The following TFDP1 variants were observed in gnomAD, a reference collection of about 807,000 sequenced individuals.
TFDP1 encodes the protein transcription factor Dp-1.
A neutral mutation model predicts 48.0 loss-of-function variants in TFDP1; 6 were observed. The ratio of observed to expected loss-of-function variants is 0.13; its 90% CI spans 0.07 to 0.25. The LOEUF is 0.25. TFDP1 is among the 10% of genes least tolerant of loss of function. The probability of loss-of-function intolerance (pLI) is 1.00; values close to 1 mark genes in which losing one functional copy is unlikely to be tolerated. For synonymous variants in TFDP1, 201 were observed against 211.6 expected (o/e 0.95, Z 0.44); for missense variants, 335 against 543.0 (o/e 0.62, Z 3.81).
At position 113,607,860 on chromosome 13, in the gene TFDP1, G is replaced by A. The variant is rs908118660; in HGVS notation, c.13-3136G>A. Among the ~76,000 whole-genome samples, 6 of 152,228 alleles carry A rather than the reference G, an allele frequency of 3.9e-5. No homozygotes were observed. The highest frequency in any genetic ancestry group is 1.2e-4 in the African/African-American group (5 of 41,454). ...CCCAGCCGGAGCTGACCACCAAGTC[G>A]ACGGGGCAGAGTGAGAAACATCCAG... is the stretch of plus-strand genomic sequence containing the variant. On this transcript the variant is annotated intron_variant, in intron 2 of 11. Coordinates refer to ENST00000375370, the MANE Select transcript of TFDP1 (RefSeq NM_007111.5). The surrounding 1 kb of genome is among the most constrained non-coding windows in gnomAD (Gnocchi z 5.2).
chr13:113,602,877 A>AG (rs1028881402), intron 2 of TFDP1, among the ~76,000 whole-genome samples: 2 of 151,756 alleles, frequency 1.3e-5, no homozygotes, highest in Non-Finnish European at 2.9e-5. Context: ...AGTTGATGCC[A>AG]GGGGTGTCAA....
At chr13:113,639,047 T>G (rs1397026115) in intron 11 of TFDP1, among the ~76,000 whole-genome samples, 1 of 152,176 alleles carries the variant, frequency 6.6e-6, no homozygotes, top group Non-Finnish European at 1.5e-5. Context: ...AGCCTTGGCC[T>G]CCTCACCTGT....
intron 4 of TFDP1, among the ~76,000 whole-genome samples, chr13:113,630,432 T>G (rs1282708153): frequency 6.6e-6 from 1 of 152,124 alleles, no homozygotes; most frequent in Non-Finnish European, 1.5e-5. Flanking sequence ...AGTGTCCCCG[T>G]CAGCTGCTCC....
rs190730122 is a variant in TFDP1, at chr13:113,610,362, T to A, written c.13-634T>A. ...ATGCGTGTGCCCCCACCGTGTGCTGTACCATCACACGTGTGACCCCGCTGT... is the reference window on the plus strand; with the variant it reads ...ATGCGTGTGCCCCCACCGTGTGCTGAACCATCACACGTGTGACCCCGCTGT... On this transcript the variant is annotated intron_variant, in intron 2 of 11. Coordinates refer to ENST00000375370, the MANE Select transcript of TFDP1 (RefSeq NM_007111.5). Among the ~76,000 whole-genome samples, 41 of 152,236 alleles carry A rather than the reference T, an allele frequency of 2.7e-4. No individual in the cohort carries two copies. In the East Asian group the frequency reaches 7.7e-3, roughly 29 times the overall value.
rs80183622 is a variant in TFDP1 at position 113,614,652 on chromosome 13, C to T, written c.79+3590C>T. On this transcript the variant is annotated intron_variant, in intron 3 of 11. Coordinates refer to ENST00000375370, the MANE Select transcript of TFDP1 (RefSeq NM_007111.5). ...TCCTGGTCCTCCCAGCTCCACTCCA[C>T]GTCACAGCCTCCCGGGGCCACTGTG... is the stretch of plus-strand genomic sequence containing the variant. Among the ~76,000 whole-genome samples, 1,040 of 152,326 alleles carry T rather than the reference C, an allele frequency of 6.8e-3. 34 individuals carry two copies. The East Asian group carries it at 0.11, about 16-fold the overall frequency.
intron 2 of TFDP1, among the ~76,000 whole-genome samples, chr13:113,602,260 T>G (rs113073184): frequency 9.0e-3 from 617 of 68,708 alleles, no homozygotes; most frequent in African/African-American, 0.01. Context: ...AGGAGTGGAC[T>G]GAGTTACCTG....
chr13:113,599,454 A>AGGCT (rs1301085375), intron 2 of TFDP1, among the ~76,000 whole-genome samples: 5 of 152,224 alleles, frequency 3.3e-5, no homozygotes, highest in South Asian at 2.1e-4. Context: ...CGCCCCCTCC[A>AGGCT]GGCTGCTGGA....
chr13:113,599,445 G>GC (rs918320694), intron 2 of TFDP1, among the ~76,000 whole-genome samples: 1 of 152,124 alleles, frequency 6.6e-6, no homozygotes. Context: ...TTGGAGCCTC[G>GC]CCCCCTCCAG....
intron 2 of TFDP1, among the ~76,000 whole-genome samples, chr13:113,589,344 G>A (rs574524198): frequency 6.6e-6 from 1 of 152,282 alleles, no homozygotes; most frequent in African/African-American, 2.4e-5. Flanking sequence ...CCCAGCAGGA[G>A]CGCTGGCATA....
In TFDP1 at chr13:113,605,270, T is replaced by C. The variant is rs189955325; in HGVS notation, c.13-5726T>C. Among the ~76,000 whole-genome samples, 413 of 152,254 alleles carry C rather than the reference T, an allele frequency of 2.7e-3. 2 individuals are homozygous for C. Among genetic ancestry groups the C allele is most frequent in the Non-Finnish European group, 3.7e-3 (252 of 68,016 alleles). On this transcript the variant is annotated intron_variant, in intron 2 of 11. Transcript: ENST00000375370. ...GAGTGGGATCTCGTTTTTCAGGTGA[T>C]GGTGCCAGTGATCTTTCCGTGCGGA...
At chr13:113,632,325 G>T (rs4150780) in intron 5 of TFDP1, among the ~76,000 whole-genome samples, 4,150 of 152,364 alleles carry the variant, frequency 0.027, 83 homozygotes, top group East Asian at 0.045. Flanking sequence ...GGACTGACCA[G>T]AGTGTACAGA....
Position 113,627,549 on chromosome 13 carries a change from A to G in TFDP1, c.187-4074A>G, listed in dbSNP as rs952861209. Among the ~76,000 whole-genome samples, 1 of 152,200 alleles carries G rather than the reference A, an allele frequency of 6.6e-6. No individual in the cohort carries two copies. Among genetic ancestry groups the G allele is most frequent in the Non-Finnish European group, 1.5e-5 (1 of 68,046 alleles). On this transcript the variant is annotated intron_variant, in intron 4 of 11. Coordinates refer to ENST00000375370, the MANE Select transcript of TFDP1 (RefSeq NM_007111.5). The surrounding 1 kb of genome is among the most constrained non-coding windows in gnomAD (Gnocchi z 4.1). ...GAGTGGGGTCACACTACACGGAGACATCGTAATCTCAGTTTTTAGAGTGTG... is the reference window on the plus strand; with the variant it reads ...GAGTGGGGTCACACTACACGGAGACGTCGTAATCTCAGTTTTTAGAGTGTG...
Position 113,597,136 on chromosome 13 carries a change from C to T in TFDP1, c.12+11287C>T, listed in dbSNP as rs569928902. Among the ~76,000 whole-genome samples the T allele has an allele frequency of 3.3e-5, 5 of 152,216 alleles. No homozygotes were observed. In the East Asian group the frequency reaches 7.7e-4, roughly 23 times the overall value. On this transcript the variant is annotated intron_variant, in intron 2 of 11. Transcript: ENST00000375370. ...CCTGGAGGAGGGTTTCTGAGAGTGC[C>T]GGTGGCTCACTCTGTCCTTGGATGA...
chr13:113,616,066 T>G (rs1025183849), intron 3 of TFDP1, among the ~76,000 whole-genome samples: 1 of 151,566 alleles, frequency 6.6e-6, no homozygotes, highest in African/African-American at 2.4e-5. Flanking sequence ...AGTGGGGCGC[T>G]GTGGTACACG....
Position 113,636,562 on chromosome 13 carries a change from A to T in TFDP1, c.868A>T (p.Thr290Ser). The T allele has an allele frequency of 1.9e-6, 3 of 1,614,120 alleles. No homozygotes were observed. The highest frequency in any genetic ancestry group is 2.5e-6 in the Non-Finnish European group (3 of 1,180,024). ...TGAGTATCTGTTTAATTTTGACAAC[A>T]CATTTGAAATCCACGATGACATAGA... ...KFEYLFNFDN[T>S]FEIHDDIEVL... The change falls in exon 10 of 12, where the codon ACA becomes TCA. Residue 290 changes from threonine (T) to serine (S), a missense_variant. By Grantham distance (58) the Thr-to-Ser change is moderately conservative. Transcript: ENST00000375370.
chr13:113,613,331 A>G (rs1314014974), intron 3 of TFDP1, among the ~76,000 whole-genome samples: 1 of 152,168 alleles, frequency 6.6e-6, no homozygotes, highest in African/African-American at 2.4e-5. Flanking sequence ...GTTATTTTAA[A>G]TTTGCTTTTG....
intron 8 of TFDP1, 110 bp downstream of exon 8, chr13:113,634,712 C>T: frequency 1.3e-6 from 1 of 781,900 alleles, no homozygotes; most frequent in Non-Finnish European, 2.1e-6. Context: ...AATCAAATGA[C>T]TGCTCTAAGA....
intron 3 of TFDP1, among the ~76,000 whole-genome samples, chr13:113,619,349 TAGTCCC>T (rs1199273928): frequency 6.6e-6 from 1 of 152,002 alleles, no homozygotes; most frequent in African/African-American, 2.4e-5. Flanking sequence ...CAGGTGCCTG[TAGTCCC>T]AGCTACTCAG....
chr13:113,634,270 T>C, intron 7 of TFDP1: 2 of 654,726 alleles, frequency 3.1e-6, no homozygotes, highest in Non-Finnish European at 2.7e-6. Context: ...TTCTGAATCC[T>C]AGTTTGTGGG....
Sources: allele counts gnomAD v4.1 joint callset (sites outside exome capture counted in the v4.1 genomes callset), GRCh38; gene constraint gnomAD v4.1.1; non-coding constraint Gnocchi (gnomAD v3.1); transcripts MANE v1.5; gene names NCBI Gene and HGNC (gene_info 2026-07-23, HGNC 2026-07-21).